TNK2: variants seen among roughly 807,000 people sequenced by gnomAD.
TNK2 encodes activated CDC42 kinase 1.
A neutral mutation model predicts 101.8 loss-of-function variants in TNK2; 83 were observed. The ratio of observed to expected loss-of-function variants is 0.82; its 90% CI spans 0.68 to 0.98. The LOEUF (loss-of-function observed/expected upper bound fraction) is 0.98, where lower values mean the gene tolerates loss of function less well. Ranked by LOEUF, TNK2 falls within the 50% of genes least tolerant of loss-of-function variation. TNK2 has a pLI of 0.00. For synonymous variants in TNK2, 804 were observed against 633.0 expected, an observed-to-expected ratio of 1.27 and a Z score of -4.06; for missense variants, 1,665 against 1,483.2, an observed-to-expected ratio of 1.12 and a Z score of -2.01.
chr3:195,879,304 GGGGCGCCGTGTGAAGC>G, intron 6 of TNK2, 129 bp from the exon 7 acceptor site: 1 of 1,434,900 alleles, frequency 7.0e-7, no homozygotes, highest in Non-Finnish European at 9.4e-7. Context: ...GTGGGTCTCA[GGGGCGCCGTGTGAAGC>G]GGGCAGGACC....
intron 1 of TNK2, among the ~76,000 whole-genome samples, chr3:195,890,453 G>GT (rs1560533402): frequency 1.3e-4 from 17 of 134,618 alleles, no homozygotes; most frequent in Non-Finnish European, 2.4e-4. Context: ...ATAGTTTTTT[G>GT]GTTTTTTTTT....
rs561761958 is a variant in TNK2 at position 195,885,715 on chromosome 3, A to C, written c.235-682T>G. On this transcript the variant is annotated intron_variant, in intron 3 of 15. Transcript: ENST00000672887. The surrounding 1 kb of genome is among the most constrained non-coding windows in gnomAD (Gnocchi z 4.7). ...GAAAAGTGGAGGAGACTCGGAGGCC[A>C]GGGTGGACAGGGAGGAGCCGAAGGT... 4 of 601,880 alleles carry C rather than the reference A, an allele frequency of 6.6e-6. No homozygotes were observed. Among genetic ancestry groups the C allele is most frequent in the South Asian group, 5.1e-5 (3 of 58,396 alleles). The allele number at this position is 601,880 out of a possible 1,614,324, so 37.3% of individuals were successfully genotyped here.
chr3:195,888,393 G>T lies in TNK2; in HGVS notation c.163+33C>A, dbSNP rs777404926. ...GAGGACAGAGGACGGAAAGGGTCAG[G>T]GGCAAGACAAGCCAGGCCAACATCC... On this transcript the variant is annotated intron_variant, in intron 2 of 15. Coordinates refer to ENST00000672887, the MANE Select transcript of TNK2 (RefSeq NM_001382273.1). This position sits in a 1 kb window ranked among gnomAD's most constrained non-coding sequence, Gnocchi z 5.3. 6.2e-7 allele frequency: 1 copy of T among 1,604,148 alleles called. No individual in the cohort carries two copies. The highest frequency in any genetic ancestry group is 8.5e-7 in the Non-Finnish European group (1 of 1,173,452).
At chr3:195,897,798 G>A in intron 1 of TNK2, among the ~76,000 whole-genome samples, 2 of 66,830 alleles carry the variant, frequency 3.0e-5, no homozygotes, top group Middle Eastern at 5.7e-3. Context: ...CACTGCGCCT[G>A]CCCACCCCCT....
intron 15 of TNK2, 143 bp downstream of exon 15, chr3:195,866,746 T>C (rs891059937): frequency 8.1e-7 from 1 of 1,239,844 alleles, no homozygotes; most frequent in African/African-American, 1.5e-5. Flanking sequence ...CTGGGCCCTG[T>C]GAGCGCCTCC....
rs1490261283 is a variant in TNK2 at position 195,866,944 on chromosome 3, T to C, written c.3106A>G (p.Asn1036Asp). The C allele has an allele frequency of 1.2e-6, 2 of 1,612,938 alleles. No homozygotes were observed. The highest frequency in any genetic ancestry group is 4.5e-5 in the East Asian group (2 of 44,862). The change falls in exon 15 of 16, where the codon AAC (asparagine) becomes GAC (aspartate). Residue 1036 changes from asparagine (N) to aspartate (D), a missense_variant. Coordinates refer to ENST00000672887, the MANE Select transcript of TNK2 (RefSeq NM_001382273.1). Reference protein sequence around the residue: ...CHKVLEMFDWNLEQAGCHLLG... With the variant: ...CHKVLEMFDWDLEQAGCHLLG... ...AGGTGGCAGCCGGCCTGCTCCAGGT[T>C]CCAGTCGAACATCTCCAGCACTTTG...
intron 10 of TNK2, among the ~76,000 whole-genome samples, chr3:195,870,616 G>A (rs1744456392): frequency 6.6e-6 from 1 of 152,226 alleles, no homozygotes; most frequent in East Asian, 1.9e-4. Flanking sequence ...GCACCCTTCT[G>A]CCACATGGCC....
At position 195,869,478 on chromosome 3, in the gene TNK2, C is replaced by T. The variant is rs925319791; in HGVS notation, c.1588+19G>A. 3.7e-5 allele frequency: 58 copies of T among 1,549,784 alleles called. No homozygotes were observed. Among genetic ancestry groups the T allele is most frequent in the East Asian group, 7.3e-5 (3 of 40,908 alleles). Reference sequence around the variant, plus strand: ...GGGGCGGGGGCGGGGGCCAAGGCATCGGAAGCAGCCCCACTTACTCTGAGT... The same window carrying T: ...GGGGCGGGGGCGGGGGCCAAGGCATTGGAAGCAGCCCCACTTACTCTGAGT... On this transcript the variant is annotated intron_variant, in intron 12 of 15. Transcript: ENST00000672887.
At chr3:195,867,056 G>T in intron 14 of TNK2, 40 bp from the exon 15 acceptor site, 1 of 1,611,308 alleles carries the variant, frequency 6.2e-7, no homozygotes, top group Non-Finnish European at 8.5e-7. Context: ...CGGGCCCAGG[G>T]CACCGACTAG....
intron 1 of TNK2, chr3:195,892,321 C>T: frequency 1.5e-6 from 2 of 1,328,220 alleles, no homozygotes; most frequent in Middle Eastern, 2.3e-4. Context: ...CCCTCAGCCG[C>T]TCCCAGTCTT....
In TNK2 at chr3:195,888,381, G is replaced by A. The variant is rs372657450; in HGVS notation, c.163+45C>T. ...CCGAGTGGTCCTGAGGACAGAGGACGGAAAGGGTCAGGGGCAAGACAAGCC... is the reference window on the plus strand; with the variant it reads ...CCGAGTGGTCCTGAGGACAGAGGACAGAAAGGGTCAGGGGCAAGACAAGCC... On this transcript the variant is annotated intron_variant, in intron 2 of 15. Transcript: ENST00000672887. This position sits in a 1 kb window ranked among gnomAD's most constrained non-coding sequence, Gnocchi z 5.3. 5.9e-5 allele frequency: 94 copies of A among 1,593,286 alleles called. No homozygotes were observed. The highest frequency in any genetic ancestry group is 1.9e-4 in the Admixed American group (11 of 59,198).
At position 195,908,529 on chromosome 3, in the gene TNK2, C is replaced by G. The variant is rs1308694408; in HGVS notation, c.-63G>C. On this transcript the variant is annotated 5_prime_UTR_variant, in exon 1 of 16. Coordinates refer to ENST00000672887, the MANE Select transcript of TNK2 (RefSeq NM_001382273.1). ...CCCCGCAGACACAGCTTCAGCGACG[C>G]CCAGGCTGAGACGGCAGAAGAGGTT... is the stretch of plus-strand genomic sequence containing the variant. 1.3e-5 allele frequency: 2 copies of G among 152,730 alleles called. No homozygotes were observed. Among genetic ancestry groups the G allele is most frequent in the Non-Finnish European group, 2.9e-5 (2 of 68,418 alleles). The allele number at this position is 152,730 out of a possible 1,614,324, so 9.5% of individuals were successfully genotyped here. A position where few individuals can be genotyped will look rare whatever the true frequency, so the allele number is the denominator to read the frequency against.
chr3:195,891,453 G>C (rs914174641), intron 1 of TNK2, among the ~76,000 whole-genome samples: 1 of 152,228 alleles, frequency 6.6e-6, no homozygotes, highest in Non-Finnish European at 1.5e-5. Context: ...CTATATGCGA[G>C]GAACAGTTCT....
rs1361235783 is a variant in TNK2 at position 195,888,003 on chromosome 3, CGT to C, written c.163+421_163+422del. 2.0e-5 allele frequency among the ~76,000 whole-genome samples: 3 copies of C among 151,828 alleles called. No homozygotes were observed. The highest frequency in any genetic ancestry group is 4.4e-5 in the Non-Finnish European group (3 of 67,964). ...GCCTGTGCGTGTGCATGCGTGTGTG[CGT>C]GTGAGAGAGCAAGAAAGAGAGCGTG... On this transcript the variant is annotated intron_variant, in intron 2 of 15. Transcript: ENST00000672887. This position sits in a 1 kb window ranked among gnomAD's most constrained non-coding sequence, Gnocchi z 5.3.
chr3:195,899,560 G>C (rs1016907966), intron 1 of TNK2, among the ~76,000 whole-genome samples: 8 of 152,180 alleles, frequency 5.3e-5, no homozygotes, highest in African/African-American at 1.9e-4. Flanking sequence ...TCGATCTCCT[G>C]ACCTCATGAT....
At chr3:195,880,199 G>A (rs1751604575) in intron 6 of TNK2, among the ~76,000 whole-genome samples, 1 of 152,094 alleles carries the variant, frequency 6.6e-6, no homozygotes, top group African/African-American at 2.4e-5. Context: ...GGCCAGGGCA[G>A]GGCCAAGTAC....
chr3:195,894,017 G>A (rs1287162737), intron 1 of TNK2, among the ~76,000 whole-genome samples: 1 of 152,186 alleles, frequency 6.6e-6, no homozygotes, highest in Non-Finnish European at 1.5e-5. Context: ...TTGTGGAGAT[G>A]GCAGGTGTGG....
rs1042784211 is a variant in TNK2 at position 195,869,604 on chromosome 3, A to G, written c.1544-63T>C. 4.3e-5 allele frequency: 65 copies of G among 1,501,846 alleles called. No individual in the cohort carries two copies. In the East Asian group the frequency reaches 1.6e-3, roughly 37 times the overall value. 93.0% of individuals were successfully genotyped at this position (1,501,846 alleles called of 1,614,324 possible). A position where few individuals can be genotyped will look rare whatever the true frequency, so the allele number is the denominator to read the frequency against. ...GAGCAGGACAGAGGACAAAGGAGGG[A>G]GACGGCCGGACGAGAGGGCAGAGTG... On this transcript the variant is annotated intron_variant, in intron 11 of 15. Coordinates refer to ENST00000672887, the MANE Select transcript of TNK2 (RefSeq NM_001382273.1).
intron 15 of TNK2, among the ~76,000 whole-genome samples, chr3:195,864,594 G>A (rs1276928577): frequency 1.4e-5 from 2 of 147,630 alleles, no homozygotes; most frequent in African/African-American, 5.1e-5. Flanking sequence ...AACCACCCGA[G>A]ACAGTGACAG....
Sources: allele counts gnomAD v4.1 joint callset (sites outside exome capture counted in the v4.1 genomes callset), GRCh38; gene constraint gnomAD v4.1.1; non-coding constraint Gnocchi (gnomAD v3.1); transcripts MANE v1.5; gene names NCBI Gene and HGNC (gene_info 2026-07-23, HGNC 2026-07-21).